Variants in SH3TC2 observed in about 807,000 individuals in gnomAD.
SH3TC2 encodes the protein SH3 domain and tetratricopeptide repeats 2, also known as SH3 domain and tetratricopeptide repeat-containing protein 2.
In SH3TC2, 87 loss-of-function variants were observed where a neutral mutation model predicts 124.5. That is an observed-to-expected ratio of 0.70 (90% CI 0.59 to 0.84). The LOEUF (loss-of-function observed/expected upper bound fraction) is 0.84, where lower values mean the gene tolerates loss of function less well. SH3TC2 is among the 40% of genes least tolerant of loss of function. SH3TC2 has a pLI of 0.00. For missense variants in SH3TC2, 1,536 were observed against 1,566.4 expected (o/e 0.98, Z 0.33); for synonymous variants, 634 against 628.5 (o/e 1.01, Z -0.13).
At chr5:149,012,512 A>G in intron 13 of SH3TC2, 72 bp downstream of exon 13, 1 of 1,589,836 alleles carries the variant, frequency 6.3e-7, no homozygotes, top group Non-Finnish European at 8.6e-7. Flanking sequence ...CCCCTGGTTG[A>G]TTTGGAGGGT....
At chr5:149,030,997 C>T (rs1754182447) in intron 9 of SH3TC2, among the ~76,000 whole-genome samples, 1 of 152,198 alleles carries the variant, frequency 6.6e-6, no homozygotes, top group African/African-American at 2.4e-5. Context: ...AGATCTGATC[C>T]CATGACACAG....
At chr5:149,034,570 C>T in intron 8 of SH3TC2, 1 of 345,024 alleles carries the variant, frequency 2.9e-6, no homozygotes, top group Non-Finnish European at 5.8e-6. Flanking sequence ...ATGTCCATTT[C>T]TTTATGCTTA....
intron 1 of SH3TC2, among the ~76,000 whole-genome samples, chr5:149,057,005 C>T (rs752106736): frequency 1.2e-3 from 186 of 152,256 alleles, no homozygotes; most frequent in Non-Finnish European, 2.4e-3. Context: ...ATACTTTCAT[C>T]TACTTTCCAA....
rs138844518 is a variant in SH3TC2, at chr5:149,041,438, G to T, written c.709C>A (p.Pro237Thr). The part of the protein sequence containing the change: ...RGLVLVSALE[P>T]LPLPFHQWFL... ...CACTGGTGGAAAGGGAGAGGCAGAG[G>T]CTCCAAGGCTGACACCAGTACCAGG... is the stretch of plus-strand genomic sequence containing the variant. Residue 237 changes from proline (P) to threonine (T), a missense_variant, in exon 6 of 17, where the codon CCT becomes ACT. Transcript: ENST00000515425. 7 of 1,613,020 alleles carry T rather than the reference G, an allele frequency of 4.3e-6. No homozygotes were observed. In the East Asian group the frequency reaches 1.6e-4, roughly 36 times the overall value.
chr5:149,030,899 AG>A (rs1173949385), intron 9 of SH3TC2, among the ~76,000 whole-genome samples: 1 of 151,414 alleles, frequency 6.6e-6, no homozygotes, highest in Non-Finnish European at 1.5e-5. Flanking sequence ...CCTTTCTCAA[AG>A]TAAGAGTATC....
chr5:149,056,764 A>G (rs1045940021), intron 1 of SH3TC2, among the ~76,000 whole-genome samples: 1 of 152,258 alleles, frequency 6.6e-6, no homozygotes, highest in Non-Finnish European at 1.5e-5. Context: ...ATAGTTACAC[A>G]TGGATTGACC....
chr5:149,037,499 A>C (rs1013407302), intron 8 of SH3TC2, among the ~76,000 whole-genome samples: 1 of 152,172 alleles, frequency 6.6e-6, no homozygotes, highest in African/African-American at 2.4e-5. Flanking sequence ...ATTTCCCACA[A>C]GAGAAAGAAT....
rs1033734479 is a variant in SH3TC2 at position 148,997,635 on chromosome 5, T to C, written c.*7076A>G. Among the ~76,000 whole-genome samples the C allele has an allele frequency of 1.3e-5, 2 of 152,204 alleles. No individual in the cohort carries two copies. Among genetic ancestry groups the C allele is most frequent in the Admixed American group, 6.5e-5 (1 of 15,282 alleles). On this transcript the variant is annotated 3_prime_UTR_variant, in exon 17 of 17. Coordinates refer to ENST00000515425, the MANE Select transcript of SH3TC2 (RefSeq NM_024577.4). The stretch of plus-strand genomic sequence containing the variant: ...TTTAATCTAATGCTTCTATTCATGA[T>C]CATATTAGTGATAGCATTTCTCTCA...
intron 3 of SH3TC2, chr5:149,045,992 C>A: frequency 2.4e-6 from 1 of 423,184 alleles, no homozygotes; most frequent in Non-Finnish European, 4.7e-6. Context: ...AATCACTGCC[C>A]AGACTTAGTT....
intron 16 of SH3TC2, 73 bp from the exon 17 acceptor site, chr5:149,004,975 C>A: frequency 6.4e-7 from 1 of 1,555,856 alleles, no homozygotes; most frequent in Admixed American, 1.7e-5. Flanking sequence ...GGAGGCTGTG[C>A]TGGCCACTCT....
intron 12 of SH3TC2, among the ~76,000 whole-genome samples, chr5:149,020,527 A>G (rs1375059766): frequency 6.6e-6 from 1 of 152,220 alleles, no homozygotes; most frequent in African/African-American, 2.4e-5. Context: ...TAGTTAAAAG[A>G]CAAACATTGA....
chr5:149,019,449 C>A (rs1753932811), intron 12 of SH3TC2, among the ~76,000 whole-genome samples: 1 of 152,176 alleles, frequency 6.6e-6, no homozygotes, highest in Non-Finnish European at 1.5e-5. Context: ...ATTTCCCAAT[C>A]TTCCATTCAA....
At position 149,027,663 on chromosome 5, in the gene SH3TC2, A is replaced by G. The variant is rs1378976658; in HGVS notation, c.2069T>C (p.Val690Ala). The change falls in exon 11 of 17, where the codon GTG becomes GCG. Residue 690 changes from valine to alanine, a missense_variant. By Grantham distance (64) the Val-to-Ala change is moderately conservative. Coordinates refer to ENST00000515425, the MANE Select transcript of SH3TC2 (RefSeq NM_024577.4). ...YDKKYLPHLA[V>A]ASVQQHGIQS... Reference sequence around the variant, plus strand: ...GATACCATGTTGCTGGACAGAGGCCACTGCAAGGTGTGGAAGATATTTCTT... The same window carrying G: ...GATACCATGTTGCTGGACAGAGGCCGCTGCAAGGTGTGGAAGATATTTCTT... 2 of 1,614,254 alleles carry G rather than the reference A, an allele frequency of 1.2e-6. No individual in the cohort carries two copies. The highest frequency in any genetic ancestry group is 2.7e-5 in the African/African-American group (2 of 75,082).
At chr5:149,022,604 AT>A (rs1221158849) in intron 12 of SH3TC2, among the ~76,000 whole-genome samples, 2 of 152,224 alleles carry the variant, frequency 1.3e-5, no homozygotes, top group African/African-American at 4.8e-5. Context: ...TCACAGCAGC[AT>A]TATTCATAAT....
chr5:149,040,425 C>T (rs909003652), intron 7 of SH3TC2, among the ~76,000 whole-genome samples, 179 bp downstream of exon 7: 27 of 152,256 alleles, frequency 1.8e-4, no homozygotes, highest in African/African-American at 6.5e-4. Context: ...TGGATTGAGA[C>T]CTCTCATTTC....
At position 149,004,987 on chromosome 5, in the gene SH3TC2, G is replaced by A. The variant is rs1753661914; in HGVS notation, c.3676-85C>T. ...CTAGGAGGCTGTGCTGGCCACTCTA[G>A]TTTTTTTTGTTTGTTTGTTTGTTTG... On this transcript the variant is annotated intron_variant, in intron 16 of 16. Transcript: ENST00000515425. 1.8e-5 allele frequency: 24 copies of A among 1,359,370 alleles called. No homozygotes were observed. The South Asian group carries it at 2.5e-4, about 14-fold the overall frequency. The allele number at this position is 1,359,370 out of a possible 1,614,324, so 84.2% of individuals were successfully genotyped here. A position where few individuals can be genotyped will look rare whatever the true frequency, so the allele number is the denominator to read the frequency against.
intron 12 of SH3TC2, among the ~76,000 whole-genome samples, chr5:149,022,418 G>A (rs1753990019): frequency 6.6e-6 from 1 of 152,192 alleles, no homozygotes; most frequent in Admixed American, 6.5e-5. Context: ...GGGAGACATT[G>A]GAACCCTTAT....
chr5:149,001,935 A>C lies in SH3TC2; in HGVS notation c.*2776T>G, dbSNP rs953139585. 2 of 152,258 alleles carry C rather than the reference A, an allele frequency of 1.3e-5. No individual in the cohort carries two copies. Among genetic ancestry groups the C allele is most frequent in the African/African-American group, 4.8e-5 (2 of 41,470 alleles). 9.4% of individuals were successfully genotyped at this position (152,258 alleles called of 1,614,324 possible). A position where few individuals can be genotyped will look rare whatever the true frequency, so the allele number is the denominator to read the frequency against. On this transcript the variant is annotated 3_prime_UTR_variant, in exon 17 of 17. Coordinates refer to ENST00000515425, the MANE Select transcript of SH3TC2 (RefSeq NM_024577.4). ...AATTGAGAAAGATCTGTCCAAACAG[A>C]AGTTCAAGTCAGAAGACACAGAAGT...
At position 148,984,975 on chromosome 5, in the gene SH3TC2, G is replaced by A. The variant is rs984322707; in HGVS notation, c.*19736C>T. ...GGACAGGAAGTGAATCCTAGGGATG[G>A]AAGCAATGGAAGATTACTCCCATTA... On this transcript the variant is annotated 3_prime_UTR_variant, in exon 17 of 17. Transcript: ENST00000515425. Among the ~76,000 whole-genome samples the A allele has an allele frequency of 6.6e-6, 1 of 152,144 alleles. No individual in the cohort carries two copies. Among genetic ancestry groups the A allele is most frequent in the Non-Finnish European group, 1.5e-5 (1 of 68,026 alleles).
Sources: allele counts gnomAD v4.1 joint callset (sites outside exome capture counted in the v4.1 genomes callset), GRCh38; gene constraint gnomAD v4.1.1; transcripts MANE v1.5; gene names NCBI Gene and HGNC (gene_info 2026-07-23, HGNC 2026-07-21).